The following DYTN variants were observed in gnomAD, a reference collection of about 807,000 sequenced individuals.
The protein encoded by DYTN is dystrotelin.
A neutral mutation model predicts 69.6 loss-of-function variants in DYTN; 75 were observed. The ratio of observed to expected loss-of-function variants is 1.08; its 90% CI spans 0.89 to 1.31. DYTN has a LOEUF of 1.31. Ranked by LOEUF, DYTN falls within the 50% of genes most tolerant of loss-of-function variation. The probability of loss-of-function intolerance (pLI) is 0.00; values close to 1 mark genes in which losing one functional copy is unlikely to be tolerated. For missense variants in DYTN, 726 were observed against 688.4 expected (o/e 1.05, Z -0.61); for synonymous variants, 252 against 249.1 (o/e 1.01, Z -0.11).
intron 5 of DYTN, among the ~76,000 whole-genome samples, chr2:206,703,515 T>TAA (rs112568294): frequency 2.1e-4 from 32 of 149,196 alleles, no homozygotes; most frequent in African/African-American, 7.8e-4. Flanking sequence ...ACCTTATAAA[T>TAA]AAAAAAAAAA....
At chr2:206,700,346 T>C (rs1031035780) in intron 5 of DYTN, 130 bp from the exon 6 acceptor site, 146 of 948,218 alleles carry the variant, frequency 1.5e-4, no homozygotes, top group Non-Finnish European at 2.2e-4. Context: ...CGAGGTGAAC[T>C]GTCTCAATCC....
rs770438344 is a variant in DYTN, at chr2:206,707,350, G to T, written c.248C>A (p.Pro83His). 1 of 1,612,606 alleles carries T rather than the reference G, an allele frequency of 6.2e-7. No homozygotes were observed. Among genetic ancestry groups the T allele is most frequent in the African/African-American group, 1.3e-5 (1 of 74,876 alleles). Residue 83 changes from proline (P) to histidine (H), a missense_variant, in exon 3 of 12, where the codon CCC becomes CAC. Pro to His is a moderately conservative substitution (Grantham distance 77). Coordinates refer to ENST00000452335, the MANE Select transcript of DYTN (RefSeq NM_001093730.1). ...AREENPGQVH[P>H]RAPELTLSLL... The stretch of plus-strand genomic sequence containing the variant: ...GCTCAGAGTGAGTTCCGGAGCTCTG[G>T]GATGCACTTGTCCTGGGTTTTCCTC...
chr2:206,688,315 C>T (rs1452223025), intron 9 of DYTN, among the ~76,000 whole-genome samples: 1 of 152,184 alleles, frequency 6.6e-6, no homozygotes, highest in Non-Finnish European at 1.5e-5. Flanking sequence ...GCTTATTTAA[C>T]GTGTGTATTT....
chr2:206,664,885 T>G lies in DYTN; in HGVS notation c.1140+985A>C, dbSNP rs373225578. On this transcript the variant is annotated intron_variant, in intron 10 of 11. Coordinates refer to ENST00000452335, the MANE Select transcript of DYTN (RefSeq NM_001093730.1). ...GCTCAGTGAACCAATATTTTCCAAA[T>G]GACCAATGTATAATGTTACACAATC... 1.1e-3 allele frequency among the ~76,000 whole-genome samples: 173 copies of G among 152,304 alleles called. 2 individuals are homozygous for G. Among genetic ancestry groups the G allele is most frequent in the African/African-American group, 4.1e-3 (171 of 41,568 alleles).
intron 11 of DYTN, among the ~76,000 whole-genome samples, chr2:206,659,734 T>A (rs1419387101): frequency 6.6e-6 from 1 of 152,148 alleles, no homozygotes; most frequent in Non-Finnish European, 1.5e-5. Context: ...AAATTGCCAA[T>A]GGCTAAGTGA....
intron 10 of DYTN, among the ~76,000 whole-genome samples, chr2:206,664,962 A>G (rs78652356): frequency 0.011 from 1,669 of 152,352 alleles, 14 homozygotes; most frequent in Non-Finnish European, 0.018. Context: ...CTGGATTTTA[A>G]TGAAACAGCG....
chr2:206,686,217 TG>T (rs1377965644), intron 9 of DYTN, among the ~76,000 whole-genome samples: 1 of 152,188 alleles, frequency 6.6e-6, no homozygotes, highest in African/African-American at 2.4e-5. Flanking sequence ...GTGCCTTTTT[TG>T]GTACAAGAAC....
At chr2:206,657,819 T>C (rs1375646757) in intron 11 of DYTN, among the ~76,000 whole-genome samples, 1 of 152,228 alleles carries the variant, frequency 6.6e-6, no homozygotes, top group African/African-American at 2.4e-5. Context: ...ACAATTTGGT[T>C]ATAATGTGTC....
At chr2:206,694,723 G>T in intron 8 of DYTN, 43 bp downstream of exon 8, 2 of 1,509,376 alleles carry the variant, frequency 1.3e-6, no homozygotes, top group Admixed American at 2.0e-5. Context: ...AGCTTATACT[G>T]AATTGATTAA....
intron 9 of DYTN, among the ~76,000 whole-genome samples, chr2:206,673,564 G>A (rs969551476): frequency 2.0e-5 from 3 of 149,970 alleles, no homozygotes; most frequent in East Asian, 1.9e-4. Context: ...CCGGTTCTCC[G>A]ATTTTTTAAA....
intron 5 of DYTN, among the ~76,000 whole-genome samples, chr2:206,701,670 A>G (rs1300090289): frequency 1.3e-5 from 2 of 152,142 alleles, no homozygotes; most frequent in African/African-American, 4.8e-5. Context: ...AAGGGTAGAA[A>G]CTTTCAGTTA....
In DYTN at chr2:206,694,770, A is replaced by G. The variant is rs761419852; in HGVS notation, c.827T>C (p.Ile276Thr). Residue 276 changes from isoleucine to threonine, a missense_variant, in exon 8 of 12, where the codon ATT (isoleucine) becomes ACT (threonine). Coordinates refer to ENST00000452335, the MANE Select transcript of DYTN (RefSeq NM_001093730.1). ...GTATGTGACATTAAATGTTACCTGA[A>G]TGCAGTGCTCAATGACAGGATGAGA... Reference protein sequence around the residue: ...QKSHPVIEHCIQMSAMQNTKL... With the variant: ...QKSHPVIEHCTQMSAMQNTKL... The G allele has an allele frequency of 1.9e-6, 3 of 1,605,096 alleles. No individual in the cohort carries two copies. Among genetic ancestry groups the G allele is most frequent in the Non-Finnish European group, 2.5e-6 (3 of 1,177,162 alleles).
chr2:206,715,828 G>A (rs1171370944), intron 1 of DYTN, among the ~76,000 whole-genome samples: 2 of 152,100 alleles, frequency 1.3e-5, no homozygotes, highest in Admixed American at 6.6e-5. Context: ...GGTGGCTCAC[G>A]CCTGTAATCC....
Position 206,687,754 on chromosome 2 carries a change from A to C in DYTN, c.980+5421T>G, listed in dbSNP as rs180953137. Among the ~76,000 whole-genome samples the C allele has an allele frequency of 2.0e-4, 30 of 152,268 alleles. 1 individual carries two copies. In the East Asian group the frequency reaches 5.6e-3, roughly 28 times the overall value. ...TTATGCATTATTTTTCCATGAATTGAAATATCACCTTTATCATATATTAGG... is the reference window on the plus strand; with the variant it reads ...TTATGCATTATTTTTCCATGAATTGCAATATCACCTTTATCATATATTAGG... On this transcript the variant is annotated intron_variant, in intron 9 of 11. Transcript: ENST00000452335.
chr2:206,698,156 T>A lies in DYTN; in HGVS notation c.719+1571A>T, dbSNP rs112897536. 6.4e-3 allele frequency among the ~76,000 whole-genome samples: 976 copies of A among 152,286 alleles called. 4 individuals carry two copies. The highest frequency in any genetic ancestry group is 0.011 in the African/African-American group (463 of 41,548). ...GTCCAATATAAATAATTTATTTTTC[T>A]TTGTTGTATGAGGATTTCTTTGTTC... On this transcript the variant is annotated intron_variant, in intron 7 of 11. Coordinates refer to ENST00000452335, the MANE Select transcript of DYTN (RefSeq NM_001093730.1).
intron 11 of DYTN, among the ~76,000 whole-genome samples, chr2:206,661,879 T>TC (rs1249685496): frequency 6.6e-6 from 1 of 152,216 alleles, no homozygotes; most frequent in Non-Finnish European, 1.5e-5. Context: ...TATAAATAGT[T>TC]CCTGACTTAT....
intron 10 of DYTN, among the ~76,000 whole-genome samples, chr2:206,664,556 G>T (rs567357921): frequency 6.6e-6 from 1 of 152,246 alleles, no homozygotes; most frequent in African/African-American, 2.4e-5. Flanking sequence ...AGCTAGCCAC[G>T]AGGTTGAGGC....
chr2:206,707,238 G>T, intron 3 of DYTN, 64 bp downstream of exon 3: 2 of 1,546,178 alleles, frequency 1.3e-6, no homozygotes, highest in African/African-American at 2.7e-5. Context: ...AGCACCAAAT[G>T]GTAAATGACC....
intron 9 of DYTN, 53 bp from the exon 10 acceptor site, chr2:206,666,082 A>C: frequency 6.3e-7 from 1 of 1,584,784 alleles, no homozygotes; most frequent in South Asian, 1.2e-5. Flanking sequence ...CCAGTACACT[A>C]ATTAGAGCCC....
Sources: gnomAD v4.1 joint callset for allele counts (sites outside exome capture counted in the v4.1 genomes callset) on GRCh38, gnomAD v4.1.1 for gene constraint, MANE v1.5 for transcripts, NCBI Gene and HGNC (gene_info 2026-07-23, HGNC 2026-07-21) for gene names.